GCM2: variants seen among roughly 807,000 people sequenced by gnomAD.
The protein encoded by GCM2 is chorion-specific transcription factor GCMb.
GCM2 carries 21 observed loss-of-function variants against 24.8 expected under a neutral mutation model. The ratio of observed to expected loss-of-function variants is 0.85; its 90% CI spans 0.60 to 1.22. GCM2 has a LOEUF of 1.22. GCM2 is among the 50% of genes most tolerant of loss of function. GCM2 has a pLI of 0.00. For missense variants in GCM2, 532 were observed against 645.6 expected (o/e 0.82, Z 1.91); for synonymous variants, 222 against 238.0 (o/e 0.93, Z 0.62).
intron 1 of GCM2, 136 bp downstream of exon 1, chr6:10,881,568 G>C: frequency 4.0e-6 from 1 of 247,310 alleles, no homozygotes. Context: ...GTGTGTGTGT[G>C]TGTGTGTGTG....
At position 10,874,243 on chromosome 6, in the gene GCM2, C is replaced by T. The variant is rs958487240; in HGVS notation, c.1273G>A (p.Val425Ile). ...NYAPEDTGMS[V>I]YPEPWGPPVT... Reference sequence around the variant, plus strand: ...GGAGGACCCCAGGGTTCTGGATAGACAGACATCCCAGTATCTTCAGGAGCA... The same window carrying T: ...GGAGGACCCCAGGGTTCTGGATAGATAGACATCCCAGTATCTTCAGGAGCA... Residue 425 changes from valine (V) to isoleucine (I), a missense_variant, in exon 5 of 5, where the codon GTC (valine) becomes ATC (isoleucine). Val to Ile is a conservative substitution (Grantham distance 29). Coordinates refer to ENST00000379491, the MANE Select transcript of GCM2 (RefSeq NM_004752.4). The T allele has an allele frequency of 1.2e-6, 2 of 1,614,210 alleles. No homozygotes were observed. Among genetic ancestry groups the T allele is most frequent in the East Asian group, 2.2e-5 (1 of 44,876 alleles).
intron 2 of GCM2, 36 bp downstream of exon 2, chr6:10,877,104 T>C: frequency 6.2e-7 from 1 of 1,605,202 alleles, no homozygotes; most frequent in Admixed American, 1.7e-5. Context: ...AACTCATGAC[T>C]CCAAGGTCAC....
chr6:10,875,014 G>C (rs1779857046), intron 4 of GCM2, 81 bp from the exon 5 acceptor site: 5 of 982,560 alleles, frequency 5.1e-6, no homozygotes, highest in Non-Finnish European at 8.2e-6. Flanking sequence ...CTAGAAGTAA[G>C]TAAAAACAGA....
intron 4 of GCM2, among the ~76,000 whole-genome samples, chr6:10,875,331 G>A (rs80269998): frequency 1.3e-3 from 192 of 152,296 alleles, no homozygotes; most frequent in Non-Finnish European, 2.1e-3. Flanking sequence ...TCTTAAAAAT[G>A]GAACTTAATA....
chr6:10,879,684 T>A (rs1433195693), intron 1 of GCM2, among the ~76,000 whole-genome samples: 1 of 152,188 alleles, frequency 6.6e-6, no homozygotes, highest in African/African-American at 2.4e-5. Context: ...CACTTCTCCA[T>A]GTCCCAGTGT....
intron 1 of GCM2, 48 bp downstream of exon 1, chr6:10,881,656 T>G: frequency 7.6e-7 from 1 of 1,315,268 alleles, no homozygotes; most frequent in South Asian, 1.2e-5. Context: ...TTCTCCCTCC[T>G]TCGGATGGAC....
At chr6:10,880,683 A>T (rs1288222154) in intron 1 of GCM2, among the ~76,000 whole-genome samples, 1 of 152,134 alleles carries the variant, frequency 6.6e-6, no homozygotes, top group African/African-American at 2.4e-5. Flanking sequence ...GCTCCAAACC[A>T]TTTTTGCTTT....
In GCM2 at chr6:10,877,394, T is replaced by A; in HGVS notation, c.91-2A>T. The A allele has an allele frequency of 1.2e-6, 2 of 1,614,148 alleles. No individual in the cohort carries two copies. Among genetic ancestry groups the A allele is most frequent in the Non-Finnish European group, 1.7e-6 (2 of 1,179,978 alleles). On this transcript the variant is annotated splice_acceptor_variant, in intron 1 of 4. Coordinates refer to ENST00000379491, the MANE Select transcript of GCM2 (RefSeq NM_004752.4). LOFTEE classifies it high-confidence loss of function. Reference sequence around the variant, plus strand: ...GAATTGGTCAAAGAGGGCCAGCTCCTGGAAGAGTGCAGAAGGAAGGGTGGT... The same window carrying A: ...GAATTGGTCAAAGAGGGCCAGCTCCAGGAAGAGTGCAGAAGGAAGGGTGGT...
intron 3 of GCM2, 28 bp downstream of exon 3, chr6:10,876,417 T>A (rs750802127): frequency 7.1e-7 from 1 of 1,400,662 alleles, no homozygotes; most frequent in Non-Finnish European, 1.0e-6. Context: ...AAAGTATCCA[T>A]CACAAATTGT....
chr6:10,874,702 G>C lies in GCM2; in HGVS notation c.814C>G (p.Pro272Ala). The C allele has an allele frequency of 6.2e-7, 1 of 1,614,044 alleles. No individual in the cohort carries two copies. Among genetic ancestry groups the C allele is most frequent in the Non-Finnish European group, 8.5e-7 (1 of 1,179,922 alleles). ...GGGTTTGCCAATTCATAGCTGCAAG[G>C]TGGCCTAGGCAAATAGATTCTTGGG... ...SSPRIYLPRP[P>A]CSYELANPGY... The change falls in exon 5 of 5, where the codon CCT becomes GCT. Residue 272 changes from proline (P) to alanine (A), a missense_variant. Around this residue, in one of 3 missense-constraint regions of GCM2, gnomAD observed 434 missense variants for 521.9 expected, o/e 0.83. Transcript: ENST00000379491.
At chr6:10,881,554 A>C (rs6149425) in intron 1 of GCM2, 150 bp downstream of exon 1, 2 of 426,784 alleles carry the variant, frequency 4.7e-6, no homozygotes, top group Non-Finnish European at 8.7e-6. Context: ...TTTTGCGGGT[A>C]TGTGTGTGTG....
At position 10,881,554 on chromosome 6, in the gene GCM2, ATGTG is replaced by A. The variant is rs35911329; in HGVS notation, c.90+146_90+149del. ...TCAGAAACCCAGAAATTTTGCGGGT[ATGTG>A]TGTGTGTGTGTGTGTGTGTGTGTGT... On this transcript the variant is annotated intron_variant, in intron 1 of 4. Coordinates refer to ENST00000379491, the MANE Select transcript of GCM2 (RefSeq NM_004752.4). 26,942 of 421,084 alleles carry A rather than the reference ATGTG, an allele frequency of 0.064. 436 individuals are homozygous for A. Among genetic ancestry groups the A allele is most frequent in the African/African-American group, 0.09 (3,371 of 37,528 alleles). 26.1% of individuals were successfully genotyped at this position (421,084 alleles called of 1,614,324 possible). A position where few individuals can be genotyped will look rare whatever the true frequency, so the allele number is the denominator to read the frequency against.
intron 3 of GCM2, 70 bp from the exon 4 acceptor site, chr6:10,876,086 G>A: frequency 6.7e-7 from 1 of 1,489,910 alleles, no homozygotes; most frequent in Admixed American, 1.7e-5. Flanking sequence ...CCCAAAAATT[G>A]ATCATGCCTT....
rs751302912 is a variant in GCM2, at chr6:10,874,627, T to C, written c.889A>G (p.Ser297Gly). 2 of 1,614,152 alleles carry C rather than the reference T, an allele frequency of 1.2e-6. No individual in the cohort carries two copies. Among genetic ancestry groups the C allele is most frequent in the South Asian group, 2.2e-5 (2 of 91,088 alleles). ...ACCCAGTCTGTGTCATTAGGGATAC[T>C]GGTGGAATCCTTATAAAGGGTGGGA... ...PYPTLYKDST[S>G]IPNDTDWVHL... Residue 297 changes from serine (S) to glycine (G), a missense_variant, in exon 5 of 5, where the codon AGT becomes GGT. Transcript: ENST00000379491.
At chr6:10,879,442 C>T (rs1029972770) in intron 1 of GCM2, among the ~76,000 whole-genome samples, 21 of 152,156 alleles carry the variant, frequency 1.4e-4, no homozygotes, top group African/African-American at 5.1e-4. Context: ...GATTGGGTTT[C>T]ACTTGCTCTC....
Position 10,874,012 on chromosome 6 carries a change from T to G in GCM2, c.1504A>C (p.Asn502His), listed in dbSNP as rs533942394. The change falls in exon 5 of 5, where the codon AAC (asparagine) becomes CAC (histidine). Residue 502 changes from asparagine to histidine, a missense_variant. Physicochemically the swap from Asn to His is moderately conservative, Grantham distance 68 (BLOSUM62 1). Around this residue, in one of 3 missense-constraint regions of GCM2, gnomAD observed 434 missense variants for 521.9 expected, o/e 0.83. Transcript: ENST00000379491. ...ATTGTCTTTCAAAAATCCTCATTGT[T>G]GTAGGTAAAGAAGGGACCCACTCTG... ...SDRVGPFFTY[N>H]NEDF is the part of the protein sequence containing the mutation. The G allele has an allele frequency of 1.4e-4, 224 of 1,613,768 alleles. 1 individual carries two copies. In the South Asian group the frequency reaches 2.3e-3, roughly 17 times the overall value.
chr6:10,875,959 T>C lies in GCM2; in HGVS notation c.514A>G (p.Arg172Gly). 1.9e-6 allele frequency: 3 copies of C among 1,613,826 alleles called. No individual in the cohort carries two copies. The highest frequency in any genetic ancestry group is 2.5e-6 in the Non-Finnish European group (3 of 1,179,704). Residue 172 changes from arginine to glycine, a missense_variant, in exon 4 of 5, where the codon AGA (arginine) becomes GGA (glycine). Transcript: ENST00000379491. ...PESKSETEAR[R>G]SAIKRQMASF... ...GCCATTTGTCTCTTGATGGCGCTTC[T>C]TCTAGCTTCTGTCTCTGATTTGCTC...
Position 10,874,395 on chromosome 6 carries a change from G to C in GCM2, c.1121C>G (p.Pro374Arg). Reference protein sequence around the residue: ...LPCRYLTTPPPGAPALQTVIT... With the variant: ...LPCRYLTTPPRGAPALQTVIT... ...CACGGTTTGTAGGGCAGGGGCACCT[G>C]GTGGTGGAGTCGTGAGGTACCTGCA... Residue 374 changes from proline to arginine, a missense_variant, in exon 5 of 5, where the codon CCA becomes CGA. Pro to Arg is a moderately radical substitution (Grantham distance 103). Around this residue, in one of 3 missense-constraint regions of GCM2, gnomAD observed 434 missense variants for 521.9 expected, o/e 0.83. Coordinates refer to ENST00000379491, the MANE Select transcript of GCM2 (RefSeq NM_004752.4). 6.2e-7 allele frequency: 1 copy of C among 1,614,224 alleles called. No homozygotes were observed. Among genetic ancestry groups the C allele is most frequent in the Non-Finnish European group, 8.5e-7 (1 of 1,180,036 alleles).
At position 10,874,893 on chromosome 6, in the gene GCM2, A is replaced by T; in HGVS notation, c.623T>A (p.Ile208Lys). The T allele has an allele frequency of 6.2e-7, 1 of 1,614,012 alleles. No homozygotes were observed. Among genetic ancestry groups the T allele is most frequent in the Non-Finnish European group, 8.5e-7 (1 of 1,179,854 alleles). Reference sequence around the variant, plus strand: ...GTCTTCTGGATTTTCCAAGGGAGGTATGTTGCTGAAATGACCACTGCTGTC... The same window carrying T: ...GTCTTCTGGATTTTCCAAGGGAGGTTTGTTGCTGAAATGACCACTGCTGTC... ...NQDSSGHFSNIPPLENPEDFD... is the reference protein window; with the variant it reads ...NQDSSGHFSNKPPLENPEDFD... Residue 208 changes from isoleucine (I) to lysine (K), a missense_variant, in exon 5 of 5, where the codon ATA (isoleucine) becomes AAA (lysine). By Grantham distance (102) the Ile-to-Lys change is moderately radical. This residue lies in a region of GCM2 where 434 missense variants were observed against 521.9 expected (regional missense o/e 0.83). Transcript: ENST00000379491.
Sources: allele counts gnomAD v4.1 joint callset (sites outside exome capture counted in the v4.1 genomes callset), GRCh38; gene constraint gnomAD v4.1.1; regional missense constraint gnomAD v4.1.1; transcripts MANE v1.5; gene names NCBI Gene and HGNC (gene_info 2026-07-23, HGNC 2026-07-21).